The following TMEM74 variants were observed in gnomAD, a reference collection of about 807,000 sequenced individuals.
TMEM74 encodes the protein transmembrane protein 74.
In TMEM74, 13 loss-of-function variants were observed where a neutral mutation model predicts 18.1. That is an observed-to-expected ratio of 0.72 (90% CI 0.47 to 1.14). The LOEUF is 1.14. Among genes scored for constraint, TMEM74 ranks in the 50% most tolerant of loss-of-function variants. TMEM74 has a pLI of 0.00. For synonymous variants in TMEM74, 159 were observed against 146.6 expected (o/e 1.08, Z -0.61); for missense variants, 372 against 375.9 (o/e 0.99, Z 0.09).
downstream of TMEM74, among the ~76,000 whole-genome samples, chr8:108,774,879 G>A (rs533806527): frequency 6.6e-6 from 1 of 150,438 alleles, no homozygotes; most frequent in East Asian, 2.0e-4. Context: ...GATTACAGGT[G>A]TGAGCCACAA....
chr8:108,620,748 G>GA (rs1812431728), intron 2 of TMEM74, among the ~76,000 whole-genome samples: 1 of 151,958 alleles, frequency 6.6e-6, no homozygotes, highest in Non-Finnish European at 1.5e-5. Context: ...TCAATTTTTG[G>GA]AATCCTTGTC....
intron 1 of TMEM74, among the ~76,000 whole-genome samples, chr8:108,658,721 C>T (rs538440964): frequency 6.6e-6 from 1 of 152,194 alleles, no homozygotes; most frequent in Non-Finnish European, 1.5e-5. Flanking sequence ...ATGTTGTAAT[C>T]TCTGGCAAAT....
chr8:108,612,945 A>G (rs1812347581), intron 2 of TMEM74, among the ~76,000 whole-genome samples: 3 of 152,212 alleles, frequency 2.0e-5, no homozygotes, highest in African/African-American at 7.2e-5. Context: ...CAGGTTTTCT[A>G]GTAGCAATCT....
intron 2 of TMEM74, among the ~76,000 whole-genome samples, chr8:108,636,225 T>A (rs1365803758): frequency 2.0e-5 from 3 of 151,976 alleles, no homozygotes; most frequent in Admixed American, 1.3e-4. Flanking sequence ...TCTTTAAGCC[T>A]CCCATCAGTA....
At chr8:108,708,809 CAA>C (rs71564016) in intron 1 of TMEM74, among the ~76,000 whole-genome samples, 10 of 17,942 alleles carry the variant, frequency 5.6e-4, no homozygotes, top group African/African-American at 1.2e-3. Flanking sequence ...AACTCAATAG[CAA>C]AAAAAAAAAA....
intron 1 of TMEM74, among the ~76,000 whole-genome samples, chr8:108,728,730 C>G (rs1813665049): frequency 6.6e-6 from 1 of 152,134 alleles, no homozygotes; most frequent in African/African-American, 2.4e-5. Context: ...CCAATTAATT[C>G]TCCACCTAAA....
rs1349491342 is a variant in TMEM74, at chr8:108,784,422, GC to G, written c.676del (p.Ala226LeufsTer7). ...CGCAATCACACAGCGGTCCAGGTGAGCCCCCAGCCTCGCACTCTCCTTCTCC... is the reference window on the plus strand; with the variant it reads ...CGCAATCACACAGCGGTCCAGGTGAGCCCCAGCCTCGCACTCTCCTTCTCC... ...RLEKESARLG[A>X]HLDRCVIAGL... On this transcript the variant is annotated frameshift_variant, in exon 2 of 2. Transcript: ENST00000297459. LOFTEE classifies it high-confidence loss of function. The G allele has an allele frequency of 6.2e-7, 1 of 1,614,152 alleles. No individual in the cohort carries two copies.
intron 1 of TMEM74, among the ~76,000 whole-genome samples, chr8:108,745,320 G>T (rs1368663315): frequency 6.6e-6 from 1 of 152,156 alleles, no homozygotes; most frequent in Non-Finnish European, 1.5e-5. Context: ...TAACTCTGCT[G>T]TTGGAGGGCA....
At chr8:108,711,357 CAG>C (rs956253890) in intron 1 of TMEM74, among the ~76,000 whole-genome samples, 5 of 152,200 alleles carry the variant, frequency 3.3e-5, no homozygotes, top group African/African-American at 9.6e-5. Context: ...CTATTCCAAG[CAG>C]ACTGTTACTT....
At chr8:108,699,856 T>C (rs1813318385) in intron 1 of TMEM74, among the ~76,000 whole-genome samples, 1 of 152,184 alleles carries the variant, frequency 6.6e-6, no homozygotes, top group Non-Finnish European at 1.5e-5. Flanking sequence ...GCTTATTAAT[T>C]GAGCTGTCCC....
intron 1 of TMEM74, among the ~76,000 whole-genome samples, chr8:108,680,118 A>G (rs1307359667): frequency 1.3e-5 from 2 of 152,194 alleles, no homozygotes; most frequent in African/African-American, 2.4e-5. Context: ...TCCTTCTGAA[A>G]CTATTCCAAT....
At chr8:108,645,852 TGGA>T (rs982849050) in intron 2 of TMEM74, among the ~76,000 whole-genome samples, 14 of 152,086 alleles carry the variant, frequency 9.2e-5, no homozygotes, top group African/African-American at 3.4e-4. Context: ...CTGACAATGC[TGGA>T]GGAGGAGAAC....
intron 1 of TMEM74, among the ~76,000 whole-genome samples, chr8:108,691,701 A>C (rs1182015207): frequency 6.7e-6 from 1 of 148,522 alleles, no homozygotes; most frequent in Non-Finnish European, 1.5e-5. Context: ...AGTAAAGTCT[A>C]TTGTAAAAAT....
At chr8:108,615,819 C>CATTTTTTT (rs1812376833) in intron 2 of TMEM74, among the ~76,000 whole-genome samples, 1 of 76,420 alleles carries the variant, frequency 1.3e-5, no homozygotes, top group Non-Finnish European at 2.4e-5. Flanking sequence ...TGCATGGGAG[C>CATTTTTTT]TTTTTTTTTT....
chr8:108,713,406 G>C (rs947016074), intron 1 of TMEM74, among the ~76,000 whole-genome samples: 4 of 152,154 alleles, frequency 2.6e-5, no homozygotes, highest in East Asian at 1.9e-4. Flanking sequence ...AATTAATTGG[G>C]TAAAAAAATA....
intron 2 of TMEM74, among the ~76,000 whole-genome samples, chr8:108,611,243 T>C (rs1007267587): frequency 1.3e-5 from 2 of 152,162 alleles, no homozygotes; most frequent in African/African-American, 4.8e-5. Flanking sequence ...ATATCTGCAG[T>C]AGGTGAAATT....
intron 2 of TMEM74, among the ~76,000 whole-genome samples, chr8:108,616,507 T>C (rs961604435): frequency 1.3e-5 from 2 of 152,188 alleles, no homozygotes; most frequent in Admixed American, 1.3e-4. Context: ...TTGGGAGAGA[T>C]TTTTTTAAAT....
At chr8:108,670,915 A>G (rs1457601288) in intron 1 of TMEM74, among the ~76,000 whole-genome samples, 1 of 152,214 alleles carries the variant, frequency 6.6e-6, no homozygotes, top group Non-Finnish European at 1.5e-5. Context: ...TCAAAGTTCC[A>G]AGAATGACCA....
At chr8:108,643,886 G>A (rs56312851) in intron 2 of TMEM74, among the ~76,000 whole-genome samples, 3 of 152,134 alleles carry the variant, frequency 2.0e-5, no homozygotes, top group Non-Finnish European at 4.4e-5. Flanking sequence ...CCATGCTCAT[G>A]GATTAGAAAA....
Sources: allele counts gnomAD v4.1 joint callset (sites outside exome capture counted in the v4.1 genomes callset), GRCh38; gene constraint gnomAD v4.1.1; transcripts MANE v1.5; gene names NCBI Gene and HGNC (gene_info 2026-07-23, HGNC 2026-07-21).